The following FNDC3B variants were observed in gnomAD, a reference collection of about 807,000 sequenced individuals.
FNDC3B encodes fibronectin type III domain containing 3B.
In FNDC3B, 12 loss-of-function variants were observed where a neutral mutation model predicts 151.5. The observed-to-expected ratio is 0.08, with a 90% CI of 0.05 to 0.13. The LOEUF is 0.13. Among genes scored for constraint, FNDC3B ranks in the 10% least tolerant of loss-of-function variants. FNDC3B has a pLI of 1.00. For synonymous variants in FNDC3B, 528 were observed against 549.0 expected (o/e 0.96, Z 0.54); for missense variants, 1,214 against 1,505.3 (o/e 0.81, Z 3.20).
chr3:172,216,068 C>T (rs542022956), intron 3 of FNDC3B, among the ~76,000 whole-genome samples: 49 of 152,080 alleles, frequency 3.2e-4, no homozygotes, highest in Non-Finnish European at 5.6e-4. Context: ...CTCGGATGCC[C>T]TTCATGTGCC....
chr3:172,128,380 G>A (rs1002202757), intron 2 of FNDC3B, among the ~76,000 whole-genome samples: 3 of 152,130 alleles, frequency 2.0e-5, no homozygotes, highest in Non-Finnish European at 4.4e-5. Context: ...GCACCCCATC[G>A]CTTCCCTTTT....
At chr3:172,097,411 T>TA (rs1436594423) in intron 1 of FNDC3B, among the ~76,000 whole-genome samples, 1 of 152,250 alleles carries the variant, frequency 6.6e-6, no homozygotes, top group Admixed American at 6.5e-5. Context: ...GAGACTTGGA[T>TA]AAAACCTGTA....
At chr3:172,394,375 A>G (rs1477217824) in intron 25 of FNDC3B, among the ~76,000 whole-genome samples, 1 of 152,150 alleles carries the variant, frequency 6.6e-6, no homozygotes, top group Admixed American at 6.5e-5. Context: ...ATAAAAATCA[A>G]CAAATCTTTA....
At position 172,397,945 on chromosome 3, in the gene FNDC3B, A is replaced by T. The variant is rs77763588; in HGVS notation, c.*470A>T. 1 of 152,656 alleles carries T rather than the reference A, an allele frequency of 6.6e-6. No homozygotes were observed. Among genetic ancestry groups the T allele is most frequent in the Non-Finnish European group, 1.5e-5 (1 of 68,352 alleles). 9.5% of individuals were successfully genotyped at this position (152,656 alleles called of 1,614,324 possible). On this transcript the variant is annotated 3_prime_UTR_variant, in exon 26 of 26. Coordinates refer to ENST00000415807, the MANE Select transcript of FNDC3B (RefSeq NM_022763.4). ...GTTGTCAGAGTATTACCACACAGCA[A>T]CAGCAACATACAGAAGATATGTTCA...
chr3:172,090,173 C>T (rs1331218013), intron 1 of FNDC3B, among the ~76,000 whole-genome samples: 1 of 152,190 alleles, frequency 6.6e-6, no homozygotes, highest in Non-Finnish European at 1.5e-5. Context: ...CAACTTCAAA[C>T]GTGCCTCCTT....
At chr3:172,333,894 C>A (rs1014525961) in intron 14 of FNDC3B, among the ~76,000 whole-genome samples, 1 of 152,088 alleles carries the variant, frequency 6.6e-6, no homozygotes, top group Non-Finnish European at 1.5e-5. Flanking sequence ...ATGACCCACC[C>A]CCTCCCTACC....
intron 22 of FNDC3B, among the ~76,000 whole-genome samples, chr3:172,361,618 A>G (rs1734368675): frequency 6.6e-6 from 1 of 152,180 alleles, no homozygotes; most frequent in Non-Finnish European, 1.5e-5. Flanking sequence ...TTCAGTGTCT[A>G]AGAAGTTCCA....
In FNDC3B at chr3:172,157,878, T is replaced by C. The variant is rs187938610; in HGVS notation, c.187+24332T>C. ...AATGTTTGTGTTCCCCCAGAATGCA[T>C]AGGTTAAAACTTAACCTCCAACGTG... On this transcript the variant is annotated intron_variant, in intron 3 of 25. Transcript: ENST00000415807. 2.8e-4 allele frequency among the ~76,000 whole-genome samples: 43 copies of C among 152,316 alleles called. No individual in the cohort carries two copies. In the East Asian group the frequency reaches 3.3e-3, roughly 12 times the overall value.
chr3:172,147,310 C>CAA (rs34996209), intron 3 of FNDC3B, among the ~76,000 whole-genome samples: 1,812 of 135,076 alleles, frequency 0.013, 30 homozygotes, highest in African/African-American at 0.035. Context: ...TGTCTCCAAA[C>CAA]AAAAAAAAAA....
rs1373701427 is a variant in FNDC3B, at chr3:172,392,804, T to C, written c.3304-4360T>C. Among the ~76,000 whole-genome samples, 4 of 71,758 alleles carry C rather than the reference T, an allele frequency of 5.6e-5. No individual in the cohort carries two copies. In the South Asian group the frequency reaches 2.1e-3, roughly 37 times the overall value. 47.1% of individuals were successfully genotyped at this position (71,758 alleles called of 152,430 possible). A position where few individuals can be genotyped will look rare whatever the true frequency, so the allele number is the denominator to read the frequency against. On this transcript the variant is annotated intron_variant, in intron 25 of 25. Coordinates refer to ENST00000415807, the MANE Select transcript of FNDC3B (RefSeq NM_022763.4). ...GTAACTGAATGAATTTTTTCTTTTT[T>C]TTTTTCTTTTTTTTTTTTCAGACAG... is the stretch of plus-strand genomic sequence containing the variant.
At chr3:172,102,805 G>A (rs1201059231) in intron 1 of FNDC3B, among the ~76,000 whole-genome samples, 1 of 152,142 alleles carries the variant, frequency 6.6e-6, no homozygotes, top group Non-Finnish European at 1.5e-5. Context: ...ACTTCCTCAA[G>A]GGGCTTTAGA....
intron 4 of FNDC3B, among the ~76,000 whole-genome samples, chr3:172,246,784 T>TAA (rs1727800565): frequency 6.6e-6 from 1 of 152,140 alleles, no homozygotes; most frequent in Non-Finnish European, 1.5e-5. Context: ...GAACAAAGAA[T>TAA]TGGAAAAAGA....
intron 1 of FNDC3B, among the ~76,000 whole-genome samples, chr3:172,081,587 A>C (rs931243464): frequency 1.3e-5 from 2 of 152,250 alleles, no homozygotes; most frequent in African/African-American, 4.8e-5. Context: ...TTTCAAAATA[A>C]GGCATCGACT....
chr3:172,087,208 T>C (rs914208254), intron 1 of FNDC3B, among the ~76,000 whole-genome samples: 10 of 152,244 alleles, frequency 6.6e-5, no homozygotes, highest in Non-Finnish European at 1.5e-4. Context: ...GTACTTCTAG[T>C]TAAGGCGCAT....
At chr3:172,232,803 G>A (rs1332739446) in intron 4 of FNDC3B, among the ~76,000 whole-genome samples, 4 of 152,154 alleles carry the variant, frequency 2.6e-5, no homozygotes, top group Admixed American at 1.3e-4. Context: ...ATTCCATCTT[G>A]GCTACTTTCT....
At chr3:172,214,301 G>A (rs895762012) in intron 3 of FNDC3B, among the ~76,000 whole-genome samples, 1 of 152,150 alleles carries the variant, frequency 6.6e-6, no homozygotes, top group Non-Finnish European at 1.5e-5. Context: ...CCTTCTGTGT[G>A]GTTTAGGTAA....
chr3:172,324,704 G>T (rs888598043), intron 11 of FNDC3B, among the ~76,000 whole-genome samples: 1 of 152,250 alleles, frequency 6.6e-6, no homozygotes, highest in Non-Finnish European at 1.5e-5. Flanking sequence ...GACACTGGCA[G>T]TAGAAAGTTA....
chr3:172,295,230 A>G (rs1002222908), intron 7 of FNDC3B, 133 bp from the exon 8 acceptor site: 6 of 804,140 alleles, frequency 7.5e-6, no homozygotes, highest in Non-Finnish European at 1.2e-5. Context: ...AGAGAGCACC[A>G]TATAAGATGT....
chr3:172,077,012 A>T (rs976333637), intron 1 of FNDC3B, among the ~76,000 whole-genome samples: 2 of 152,226 alleles, frequency 1.3e-5, no homozygotes, highest in African/African-American at 2.4e-5. Flanking sequence ...TTAGAAAACA[A>T]AATCTGCATA....
Sources: gnomAD v4.1 joint callset for allele counts (sites outside exome capture counted in the v4.1 genomes callset) on GRCh38, gnomAD v4.1.1 for gene constraint, MANE v1.5 for transcripts, NCBI Gene and HGNC (gene_info 2026-07-23, HGNC 2026-07-21) for gene names.